The following PAG1 variants were observed in gnomAD, a reference collection of about 807,000 sequenced individuals.
PAG1 encodes phosphoprotein associated with glycosphingolipid-enriched microdomains 1.
A neutral mutation model predicts 31.7 loss-of-function variants in PAG1; 23 were observed. The ratio of observed to expected loss-of-function variants is 0.73; its 90% confidence interval spans 0.52 to 1.03. The LOEUF (loss-of-function observed/expected upper bound fraction) is 1.03. PAG1 is among the 50% of genes least tolerant of loss of function. PAG1 has a pLI of 0.00. For missense variants in PAG1, 473 were observed against 540.7 expected, an observed-to-expected ratio of 0.87 and a Z score of 1.24; for synonymous variants, 214 against 210.3, an observed-to-expected ratio of 1.02 and a Z score of -0.15.
intron 3 of PAG1, among the ~76,000 whole-genome samples, chr8:80,996,581 G>A (rs910193446): frequency 6.6e-6 from 1 of 152,182 alleles, no homozygotes. Context: ...TGGTAAATGT[G>A]TGTCGGTGGA....
At chr8:81,079,079 T>C (rs1009307517) in intron 1 of PAG1, among the ~76,000 whole-genome samples, 1 of 152,126 alleles carries the variant, frequency 6.6e-6, no homozygotes, top group African/African-American at 2.4e-5. Context: ...AGGCCTCCCC[T>C]TCCAGTAACA....
intron 6 of PAG1, among the ~76,000 whole-genome samples, chr8:80,986,030 T>G (rs1807412441): frequency 6.6e-6 from 1 of 152,222 alleles, no homozygotes; most frequent in Non-Finnish European, 1.5e-5. Flanking sequence ...GTCGTCCCTT[T>G]GTCAACCGTG....
chr8:81,077,566 G>A (rs1481676839), intron 1 of PAG1, among the ~76,000 whole-genome samples: 2 of 151,928 alleles, frequency 1.3e-5, no homozygotes, highest in Non-Finnish European at 2.9e-5. Context: ...GACTTTTATC[G>A]AAAAAACATT....
At chr8:81,007,245 TG>T (rs1160809056) in intron 3 of PAG1, among the ~76,000 whole-genome samples, 1 of 151,996 alleles carries the variant, frequency 6.6e-6, no homozygotes, top group Non-Finnish European at 1.5e-5. Context: ...TCTAGAAATG[TG>T]GAAGTTATTT....
At chr8:80,984,381 T>A (rs568762140) in intron 7 of PAG1, among the ~76,000 whole-genome samples, 7 of 152,218 alleles carry the variant, frequency 4.6e-5, no homozygotes, top group African/African-American at 1.7e-4. Flanking sequence ...CTATGCATGC[T>A]GATTTTTGGG....
Position 81,000,209 on chromosome 8 carries a change from C to T in PAG1, c.-80-6902G>A, listed in dbSNP as rs78330665. On this transcript the variant is annotated intron_variant, in intron 3 of 8. Transcript: ENST00000220597. ...CTCCACCTCACTTCCCACCATATTC[C>T]TAGCACCTCTATGACCTGGGAAATA... Among the ~76,000 whole-genome samples, 640 of 152,190 alleles carry T rather than the reference C, an allele frequency of 4.2e-3. 10 individuals are homozygous for T. The highest frequency in any genetic ancestry group is 0.015 in the African/African-American group (603 of 41,524).
rs1807007338 is a variant in PAG1 at position 80,968,342 on chromosome 8, G to T, written c.*8202C>A. The stretch of plus-strand genomic sequence containing the variant: ...GTATATGGAGAAACTGAGGCACAGA[G>T]AAGTTAAATCATTTGCTCGAGGTCA... On this transcript the variant is annotated 3_prime_UTR_variant, in exon 9 of 9. Coordinates refer to ENST00000220597, the MANE Select transcript of PAG1 (RefSeq NM_018440.4). 1 of 152,198 alleles carries T rather than the reference G, an allele frequency of 6.6e-6. No homozygotes were observed. The highest frequency in any genetic ancestry group is 2.4e-5 in the African/African-American group (1 of 41,444). The allele number at this position is 152,198 out of a possible 1,614,324, so 9.4% of individuals were successfully genotyped here. A position where few individuals can be genotyped will look rare whatever the true frequency, so the allele number is the denominator to read the frequency against.
At chr8:80,999,390 C>G (rs1429180394) in intron 3 of PAG1, among the ~76,000 whole-genome samples, 2 of 152,174 alleles carry the variant, frequency 1.3e-5, no homozygotes, top group Non-Finnish European at 2.9e-5. Context: ...GTAAGCTTTT[C>G]TTGTTTATAG....
Position 80,975,663 on chromosome 8 carries a change from A to C in PAG1, c.*881T>G, listed in dbSNP as rs967682319. 3 of 152,212 alleles carry C rather than the reference A, an allele frequency of 2.0e-5. No individual in the cohort carries two copies. The highest frequency in any genetic ancestry group is 4.4e-5 in the Non-Finnish European group (3 of 68,040). 9.4% of individuals were successfully genotyped at this position (152,212 alleles called of 1,614,324 possible). ...AATATGTGGTCTGTGTCCCAACATA[A>C]AGATTAAGGCTCTCTGTTTTGAAGG... is the stretch of plus-strand genomic sequence containing the variant. On this transcript the variant is annotated 3_prime_UTR_variant, in exon 9 of 9. Coordinates refer to ENST00000220597, the MANE Select transcript of PAG1 (RefSeq NM_018440.4).
chr8:81,084,147 G>T (rs1234044881), intron 1 of PAG1, among the ~76,000 whole-genome samples: 1 of 152,050 alleles, frequency 6.6e-6, no homozygotes, highest in Admixed American at 6.5e-5. Flanking sequence ...TAGATATTCT[G>T]CCATCTTTCC....
intron 1 of PAG1, among the ~76,000 whole-genome samples, chr8:81,091,900 T>G (rs1360450837): frequency 2.0e-5 from 3 of 150,020 alleles, no homozygotes; most frequent in Non-Finnish European, 4.4e-5. Flanking sequence ...TTTGGAAGGG[T>G]GAGGCGGGAG....
At chr8:81,066,977 A>G (rs1358563321) in intron 2 of PAG1, among the ~76,000 whole-genome samples, 1 of 152,162 alleles carries the variant, frequency 6.6e-6, no homozygotes, top group Non-Finnish European at 1.5e-5. Context: ...CCTGGGCAAT[A>G]TGGTGAGACC....
At chr8:80,991,663 A>C in intron 4 of PAG1, 133 bp from the exon 5 acceptor site, 1 of 726,868 alleles carries the variant, frequency 1.4e-6, no homozygotes, top group Non-Finnish European at 2.5e-6. Flanking sequence ...TTTGTCAACA[A>C]AGACAAAATC....
chr8:81,097,699 A>C (rs545122054), intron 1 of PAG1, among the ~76,000 whole-genome samples: 54 of 129,716 alleles, frequency 4.2e-4, no homozygotes, highest in Non-Finnish European at 7.9e-4. Flanking sequence ...AGTTGAATCA[A>C]TTAAGAACTT....
intron 2 of PAG1, among the ~76,000 whole-genome samples, chr8:81,047,410 G>A (rs1808659450): frequency 6.6e-6 from 1 of 152,148 alleles, no homozygotes; most frequent in Non-Finnish European, 1.5e-5. Context: ...GTATCTCATT[G>A]TGGTTTTGAT....
chr8:81,108,704 T>G (rs1233412426), intron 1 of PAG1, among the ~76,000 whole-genome samples: 3 of 152,040 alleles, frequency 2.0e-5, no homozygotes, highest in Non-Finnish European at 4.4e-5. Flanking sequence ...ATTCCCCACC[T>G]CTGGAACCCA....
chr8:81,087,521 C>A (rs1809379368), intron 1 of PAG1, among the ~76,000 whole-genome samples: 1 of 151,960 alleles, frequency 6.6e-6, no homozygotes, highest in Admixed American at 6.6e-5. Flanking sequence ...ATGATAAAAC[C>A]CAAATGTCTA....
intron 2 of PAG1, among the ~76,000 whole-genome samples, chr8:81,060,279 G>A (rs1808897096): frequency 6.6e-6 from 1 of 152,054 alleles, no homozygotes; most frequent in Non-Finnish European, 1.5e-5. Context: ...TAAATACCCT[G>A]AGCTAAGGAC....
chr8:81,056,924 C>G (rs1335380885), intron 2 of PAG1, among the ~76,000 whole-genome samples: 1 of 152,190 alleles, frequency 6.6e-6, no homozygotes, highest in Non-Finnish European at 1.5e-5. Context: ...TGAACAGACA[C>G]TTCTCAAAAG....
Sources: allele counts gnomAD v4.1 joint callset (sites outside exome capture counted in the v4.1 genomes callset), GRCh38; gene constraint gnomAD v4.1.1; transcripts MANE v1.5; gene names NCBI Gene and HGNC (gene_info 2026-07-23, HGNC 2026-07-21).